Variants in CLEC16A observed in about 807,000 individuals in gnomAD.
CLEC16A encodes protein CLEC16A.
In CLEC16A, 51 loss-of-function variants were observed where a neutral mutation model predicts 109.5. The ratio of observed to expected loss-of-function variants is 0.47; its 90% CI spans 0.37 to 0.59. CLEC16A has a LOEUF of 0.59. Ranked by LOEUF, CLEC16A falls within the 20% of genes least tolerant of loss-of-function variation. CLEC16A has a pLI of 0.00. For missense variants in CLEC16A, 1,339 were observed against 1,394.0 expected (o/e 0.96, Z 0.63); for synonymous variants, 673 against 564.2 (o/e 1.19, Z -2.73).
In CLEC16A at chr16:11,042,322, G is replaced by A. The variant is rs1391969435; in HGVS notation, c.1729G>A (p.Ala577Thr). Residue 577 changes from alanine to threonine, a missense_variant, in exon 15 of 24, where the codon GCT (alanine) becomes ACT (threonine). This residue lies in a region of CLEC16A where 1,061 missense variants were observed against 1,006.8 expected (regional missense o/e 1.05). Coordinates refer to ENST00000409790, the MANE Select transcript of CLEC16A (RefSeq NM_015226.3). ...TCTGAAGCAGCAAGTCCTGATGAGT[G>A]CTGGCTGCATCATGAAGGACGTGCA... The part of the protein sequence containing the change: ...LLLKQQVLMS[A>T]GCIMKDVHLA... The A allele has an allele frequency of 1.3e-6, 2 of 1,593,490 alleles. No homozygotes were observed. Among genetic ancestry groups the A allele is most frequent in the Non-Finnish European group, 1.7e-6 (2 of 1,170,414 alleles).
chr16:11,057,493 C>A (rs1052007401), intron 18 of CLEC16A, among the ~76,000 whole-genome samples: 2 of 152,204 alleles, frequency 1.3e-5, no homozygotes, highest in African/African-American at 4.8e-5. Flanking sequence ...CCCACCTTCC[C>A]CTGCTCATTG....
Position 10,982,930 on chromosome 16 carries a change from T to G in CLEC16A, c.1010T>G (p.Ile337Ser), listed in dbSNP as rs1327706388. Residue 337 changes from isoleucine to serine, a missense_variant, in exon 10 of 24, where the codon ATT becomes AGT. Transcript: ENST00000409790. Reference sequence around the variant, plus strand: ...CTGGTGAACTCGTTAGCTGAAGTCATTCTGAATGGTGATCTGTCTGAGATG... The same window carrying G: ...CTGGTGAACTCGTTAGCTGAAGTCAGTCTGAATGGTGATCTGTCTGAGATG... ...APLVNSLAEV[I>S]LNGDLSEMYA... 6.2e-7 allele frequency: 1 copy of G among 1,613,360 alleles called. No homozygotes were observed. The highest frequency in any genetic ancestry group is 1.1e-5 in the South Asian group (1 of 91,060).
intron 11 of CLEC16A, among the ~76,000 whole-genome samples, chr16:11,017,478 T>C (rs2045828188): frequency 6.6e-6 from 1 of 152,154 alleles, no homozygotes; most frequent in Non-Finnish European, 1.5e-5. Flanking sequence ...TGCCAAATAA[T>C]TTATGGAGAT....
intron 2 of CLEC16A, among the ~76,000 whole-genome samples, chr16:10,959,034 TGTG>T (rs2042128060): frequency 1.3e-5 from 2 of 151,960 alleles, no homozygotes; most frequent in Admixed American, 6.6e-5. Flanking sequence ...TGTGTGTGTG[TGTG>T]TGTGTGTGTG....
chr16:11,172,762 G>A (rs891237458), intron 23 of CLEC16A, among the ~76,000 whole-genome samples: 13 of 152,160 alleles, frequency 8.5e-5, no homozygotes, highest in Admixed American at 2.0e-4. Context: ...GGTGGTAGGC[G>A]TCTGTAATCC....
At chr16:11,111,540 G>A (rs2051585981) in intron 19 of CLEC16A, among the ~76,000 whole-genome samples, 1 of 152,226 alleles carries the variant, frequency 6.6e-6, no homozygotes, top group South Asian at 2.1e-4. Context: ...TTGATGGGAG[G>A]AGAGTCAAAG....
At chr16:10,993,114 G>A (rs2044128497) in intron 10 of CLEC16A, among the ~76,000 whole-genome samples, 1 of 152,154 alleles carries the variant, frequency 6.6e-6, no homozygotes, top group Non-Finnish European at 1.5e-5. Flanking sequence ...GAACCTGGCT[G>A]GGCTTGGTGG....
chr16:11,130,533 C>A (rs2053134027), intron 22 of CLEC16A, among the ~76,000 whole-genome samples: 1 of 152,236 alleles, frequency 6.6e-6, no homozygotes, highest in African/African-American at 2.4e-5. Context: ...CCACCCTCCT[C>A]CTACTCAGAG....
At chr16:11,166,257 G>C (rs2068255549) in intron 22 of CLEC16A, 131 bp from the exon 23 acceptor site, 4 of 999,734 alleles carry the variant, frequency 4.0e-6, no homozygotes, top group Non-Finnish European at 5.6e-6. Flanking sequence ...GACCAGTGAG[G>C]TCAGCCTGTT....
chr16:11,044,333 T>C, intron 16 of CLEC16A: 1 of 312,064 alleles, frequency 3.2e-6, no homozygotes, highest in Non-Finnish European at 5.8e-6. Context: ...TGGATTTGGT[T>C]ATTTGGGAAT....
At chr16:11,039,710 G>A in intron 13 of CLEC16A, 44 bp from the exon 14 acceptor site, 1 of 1,563,596 alleles carries the variant, frequency 6.4e-7, no homozygotes, top group East Asian at 2.4e-5. Context: ...GAGGAGGTCA[G>A]GTAGTCAGGA....
chr16:11,109,912 C>T (rs540733789), intron 19 of CLEC16A, among the ~76,000 whole-genome samples: 219 of 152,352 alleles, frequency 1.4e-3, no homozygotes, highest in African/African-American at 5.0e-3. Context: ...CCTTGGAATT[C>T]TGCTGGCCTG....
intron 19 of CLEC16A, among the ~76,000 whole-genome samples, chr16:11,099,729 C>T (rs1285734503): frequency 6.6e-6 from 1 of 152,210 alleles, no homozygotes; most frequent in African/African-American, 2.4e-5. Flanking sequence ...TGTGTGGCTA[C>T]CTCCTCACCC....
chr16:11,036,654 A>G (rs762710047), intron 13 of CLEC16A, among the ~76,000 whole-genome samples: 19 of 151,052 alleles, frequency 1.3e-4, no homozygotes, highest in African/African-American at 4.4e-4. Context: ...GGTTCAAGCA[A>G]TTCTCATTTC....
chr16:11,168,539 A>T (rs985220165), intron 23 of CLEC16A, among the ~76,000 whole-genome samples: 1 of 152,240 alleles, frequency 6.6e-6, no homozygotes, highest in African/African-American at 2.4e-5. Context: ...AACTCACCTG[A>T]TGAAGGGCCA....
intron 10 of CLEC16A, 142 bp downstream of exon 10, chr16:10,983,133 T>G (rs2043422820): frequency 3.5e-6 from 2 of 575,034 alleles, no homozygotes; most frequent in African/African-American, 3.8e-5. Flanking sequence ...TCAGTGAACC[T>G]AATCAGAGTC....
At chr16:11,118,921 A>T (rs949152827) in intron 19 of CLEC16A, among the ~76,000 whole-genome samples, 6 of 152,262 alleles carry the variant, frequency 3.9e-5, no homozygotes, top group African/African-American at 1.4e-4. Context: ...TGTTCTTATC[A>T]GTTTCATTGA....
intron 10 of CLEC16A, among the ~76,000 whole-genome samples, chr16:10,989,319 C>G (rs56216305): frequency 0.33 from 49,892 of 151,970 alleles, 8,669 homozygotes; most frequent in South Asian, 0.46. Flanking sequence ...CTCCCCAGGT[C>G]AAACGATCCT....
At chr16:11,024,614 GT>G in intron 12 of CLEC16A, 1 of 497,700 alleles carries the variant, frequency 2.0e-6, no homozygotes, top group East Asian at 3.4e-5. Context: ...CTGTTCCTTG[GT>G]CAGGTTCCCC....
Sources: allele counts gnomAD v4.1 joint callset (sites outside exome capture counted in the v4.1 genomes callset), GRCh38; gene constraint gnomAD v4.1.1; regional missense constraint gnomAD v4.1.1; transcripts MANE v1.5; gene names NCBI Gene and HGNC (gene_info 2026-07-23, HGNC 2026-07-21).